The following CLN5 variants were observed in gnomAD, a reference collection of about 807,000 sequenced individuals.
CLN5 encodes the protein CLN5 lysosomal BMP synthase, also known as bis(monoacylglycero)phosphate synthase CLN5.
Under a neutral mutation model 36.7 loss-of-function variants are expected in CLN5, and 34 were observed. The ratio of observed to expected loss-of-function variants is 0.93; its 90% CI spans 0.71 to 1.23. The LOEUF (loss-of-function observed/expected upper bound fraction) is 1.23, where lower values mean the gene tolerates loss of function less well. CLN5 is among the 50% of genes most tolerant of loss of function. The probability of loss-of-function intolerance (pLI) is 0.00; values close to 1 mark genes in which losing one functional copy is unlikely to be tolerated. For synonymous variants in CLN5, 151 were observed against 155.1 expected (o/e 0.97, Z 0.20); for missense variants, 427 against 439.4 (o/e 0.97, Z 0.25).
Position 77,002,564 on chromosome 13 carries a change from G to C in CLN5, c.*1595G>C, listed in dbSNP as rs1217951385. On this transcript the variant is annotated 3_prime_UTR_variant, in exon 4 of 4. Coordinates refer to ENST00000377453, the MANE Select transcript of CLN5 (RefSeq NM_006493.4). The stretch of plus-strand genomic sequence containing the variant: ...TTTTGTCTAGGAATTCATTTTTGCT[G>C]GGTTTTTTTTTTTCAACTGTAGTCC... The C allele has an allele frequency of 6.6e-6, 1 of 151,358 alleles. No homozygotes were observed. The highest frequency in any genetic ancestry group is 1.5e-5 in the Non-Finnish European group (1 of 67,850). The allele number at this position is 151,358 out of a possible 1,614,324, so 9.4% of individuals were successfully genotyped here.
At position 76,995,969 on chromosome 13, in the gene CLN5, A is replaced by G. The variant is rs373164437; in HGVS notation, c.407A>G (p.Tyr136Cys). Residue 136 changes from tyrosine to cysteine, a missense_variant, in exon 3 of 4, where the codon TAT (tyrosine) becomes TGT (cysteine). By Grantham distance (194) the Tyr-to-Cys change is radical (BLOSUM62 -2). Coordinates refer to ENST00000377453, the MANE Select transcript of CLN5 (RefSeq NM_006493.4). ...GGCAAGAACTACACAATGGAATGGT[A>G]TGAACTTTTCCAACTTGGCAACTGT... is the stretch of plus-strand genomic sequence containing the variant. ...LTGKNYTMEW[Y>C]ELFQLGNCTF... is the part of the protein sequence containing the mutation. The G allele has an allele frequency of 1.2e-6, 2 of 1,614,112 alleles. No homozygotes were observed. The highest frequency in any genetic ancestry group is 1.7e-6 in the Non-Finnish European group (2 of 1,180,048).
intron 3 of CLN5, chr13:76,996,549 G>T (rs1479526344): frequency 2.1e-5 from 4 of 194,098 alleles, no homozygotes; most frequent in South Asian, 9.1e-5. Flanking sequence ...CACAATGTTT[G>T]GTTTTCTATT....
At chr13:76,995,037 G>A in intron 1 of CLN5, 26 bp from the exon 2 acceptor site, 1 of 1,609,506 alleles carries the variant, frequency 6.2e-7, no homozygotes, top group Non-Finnish European at 8.5e-7. Context: ...TAGAATCTAA[G>A]TAGATGGTTT....
At chr13:76,998,821 C>T (rs1012077847) in intron 3 of CLN5, 3 of 152,226 alleles carry the variant, frequency 2.0e-5, no homozygotes, top group Non-Finnish European at 4.4e-5. Flanking sequence ...ATCAATGTGC[C>T]TTAAACCATA....
At chr13:76,994,113 C>T (rs2034225600) in intron 1 of CLN5, 1 of 152,176 alleles carries the variant, frequency 6.6e-6, no homozygotes, top group Admixed American at 6.5e-5. Context: ...TACTTTATAG[C>T]AAATTCAGTC....
rs2034411419 is a variant in CLN5 at position 77,004,229 on chromosome 13, ACCTGGAATTATAGTT to A, written c.*3265_*3279del. 1 of 152,218 alleles carries A rather than the reference ACCTGGAATTATAGTT, an allele frequency of 6.6e-6. No homozygotes were observed. Among genetic ancestry groups the A allele is most frequent in the African/African-American group, 2.4e-5 (1 of 41,462 alleles). The allele number at this position is 152,218 out of a possible 1,614,324, so 9.4% of individuals were successfully genotyped here. A position where few individuals can be genotyped will look rare whatever the true frequency, so the allele number is the denominator to read the frequency against. ...CTGCTGTGGTGGCACTTAATGAATT[ACCTGGAATTATAGTT>A]CCTGTAAGATGTTTTATTTTTTAAA... On this transcript the variant is annotated 3_prime_UTR_variant, in exon 4 of 4. Transcript: ENST00000377453.
Position 76,995,955 on chromosome 13 carries a change from C to G in CLN5, c.393C>G (p.Tyr131Ter). 1 of 1,614,228 alleles carries G rather than the reference C, an allele frequency of 6.2e-7. No individual in the cohort carries two copies. The highest frequency in any genetic ancestry group is 8.5e-7 in the Non-Finnish European group (1 of 1,180,040). The stretch of plus-strand genomic sequence containing the variant: ...GAAGTACATTAACTGGCAAGAACTA[C>G]ACAATGGAATGGTATGAACTTTTCC... ...GFRSTLTGKN[Y>*]TMEWYELFQL... The change falls in exon 3 of 4, where the codon TAC becomes TAG. Residue 131 changes from tyrosine (Y) to a stop codon, truncating the protein, a stop_gained. Transcript: ENST00000377453. LOFTEE classifies it high-confidence loss of function.
In CLN5 at chr13:76,995,745, G is replaced by A. The variant is rs1727925787; in HGVS notation, c.340-157G>A. On this transcript the variant is annotated intron_variant, in intron 2 of 3. Coordinates refer to ENST00000377453, the MANE Select transcript of CLN5 (RefSeq NM_006493.4). ...GGGTGGATGAGGGCCTGGAGTTTGG[G>A]GCCACAGAGTGGATATGACAGTAGC... 18 of 697,824 alleles carry A rather than the reference G, an allele frequency of 2.6e-5. 1 individual carries two copies. The South Asian group carries it at 2.7e-4, about 11-fold the overall frequency. The allele number at this position is 697,824 out of a possible 1,614,324, so 43.2% of individuals were successfully genotyped here. A position where few individuals can be genotyped will look rare whatever the true frequency, so the allele number is the denominator to read the frequency against.
intron 1 of CLN5, 124 bp downstream of exon 1, chr13:76,992,395 G>T: frequency 8.6e-7 from 1 of 1,162,450 alleles, no homozygotes; most frequent in South Asian, 1.6e-5. Flanking sequence ...TGCGGGGACA[G>T]CGCCGGGTGA....
In CLN5 at chr13:77,001,374, A is replaced by G. The variant is rs575527187; in HGVS notation, c.*405A>G. ...CTCTTCTTTCTGATATGGCAGTTAC[A>G]CTTTTTCACTTAAGTGCTTTAGTTT... On this transcript the variant is annotated 3_prime_UTR_variant, in exon 4 of 4. Transcript: ENST00000377453. The G allele has an allele frequency of 6.1e-6, 1 of 164,190 alleles. No homozygotes were observed. The highest frequency in any genetic ancestry group is 1.3e-5 in the Non-Finnish European group (1 of 76,282). 10.2% of individuals were successfully genotyped at this position (164,190 alleles called of 1,614,324 possible). A position where few individuals can be genotyped will look rare whatever the true frequency, so the allele number is the denominator to read the frequency against.
At chr13:76,996,971 TA>T (rs1051440153) in intron 3 of CLN5, 1 of 152,174 alleles carries the variant, frequency 6.6e-6, no homozygotes, top group African/African-American at 2.4e-5. Context: ...TATTTTTTTT[TA>T]TTTTTTGATT....
chr13:76,996,710 A>C (rs527520634), intron 3 of CLN5: 1 of 153,820 alleles, frequency 6.5e-6, no homozygotes, highest in South Asian at 2.0e-4. Context: ...ATTGATGGGC[A>C]TTTGAGCTGG....
chr13:76,994,773 T>C (rs1458498366), intron 1 of CLN5: 2 of 324,204 alleles, frequency 6.2e-6, no homozygotes, highest in East Asian at 6.9e-5. Flanking sequence ...AAATGTCTAC[T>C]ATGATCTGGA....
At position 76,995,989 on chromosome 13, in the gene CLN5, A is replaced by C; in HGVS notation, c.427A>C (p.Asn143His). 6.2e-7 allele frequency: 1 copy of C among 1,614,214 alleles called. No homozygotes were observed. The highest frequency in any genetic ancestry group is 8.5e-7 in the Non-Finnish European group (1 of 1,180,042). The change falls in exon 3 of 4, where the codon AAC becomes CAC. Residue 143 changes from asparagine (N) to histidine (H), a missense_variant. Transcript: ENST00000377453. ...MEWYELFQLG[N>H]CTFPHLRPEM... Reference sequence around the variant, plus strand: ...ATGGTATGAACTTTTCCAACTTGGCAACTGTACATTTCCCCATCTCCGACC... The same window carrying C: ...ATGGTATGAACTTTTCCAACTTGGCCACTGTACATTTCCCCATCTCCGACC...
intron 1 of CLN5, chr13:76,993,598 A>C (rs2034216321): frequency 6.6e-6 from 1 of 152,020 alleles, no homozygotes; most frequent in Non-Finnish European, 1.5e-5. Context: ...TAATTCCCTC[A>C]ATTGAATATA....
intron 1 of CLN5, chr13:76,994,274 C>T (rs1018548654): frequency 6.6e-6 from 1 of 152,212 alleles, no homozygotes; most frequent in Non-Finnish European, 1.5e-5. Context: ...ATCCAGTCTT[C>T]CGTACCTACC....
At chr13:76,992,297 C>T (rs1434241466) in intron 1 of CLN5, 26 bp downstream of exon 1, 2 of 1,177,304 alleles carry the variant, frequency 1.7e-6, no homozygotes, top group Non-Finnish European at 1.1e-6. Flanking sequence ...CGCGCACTGT[C>T]GGGGTTGGGG....
At position 77,001,364 on chromosome 13, in the gene CLN5, T is replaced by C. The variant is rs1487487278; in HGVS notation, c.*395T>C. 2 of 166,574 alleles carry C rather than the reference T, an allele frequency of 1.2e-5. No homozygotes were observed. The highest frequency in any genetic ancestry group is 2.6e-5 in the Non-Finnish European group (2 of 77,926). 10.3% of individuals were successfully genotyped at this position (166,574 alleles called of 1,614,324 possible). ...ATGGTGGGAGCTCTTCTTTCTGATA[T>C]GGCAGTTACACTTTTTCACTTAAGT... On this transcript the variant is annotated 3_prime_UTR_variant, in exon 4 of 4. Transcript: ENST00000377453.
chr13:76,997,000 A>G (rs2034279212), intron 3 of CLN5: 1 of 151,852 alleles, frequency 6.6e-6, no homozygotes, highest in Non-Finnish European at 1.5e-5. Flanking sequence ...TTCTTGCAGG[A>G]GTGAGGCGGT....
Sources: gnomAD v4.1 joint callset for allele counts on GRCh38, gnomAD v4.1.1 for gene constraint, MANE v1.5 for transcripts, NCBI Gene and HGNC (gene_info 2026-07-23, HGNC 2026-07-21) for gene names.